The following PTPRN2 variants were observed in gnomAD, a reference collection of about 807,000 sequenced individuals.
PTPRN2 encodes protein tyrosine phosphatase receptor type N2.
PTPRN2 carries 74 observed loss-of-function variants against 118.8 expected under a neutral mutation model. The ratio of observed to expected loss-of-function variants is 0.62; its 90% CI spans 0.52 to 0.76. The LOEUF (loss-of-function observed/expected upper bound fraction) is 0.76. PTPRN2 is among the 30% of genes least tolerant of loss of function. The pLI is 0.00. For synonymous variants in PTPRN2, 641 were observed against 608.0 expected (o/e 1.05, Z -0.80); for missense variants, 1,481 against 1,394.4 (o/e 1.06, Z -0.99).
chr7:158,152,940 T>C (rs6950107), intron 6 of PTPRN2, among the ~76,000 whole-genome samples: 37,489 of 58,796 alleles, frequency 0.64, 11,759 homozygotes, highest in African/African-American at 0.77. Context: ...AAGAGCAGAC[T>C]GACAGACACC....
At chr7:157,748,379 G>T (rs1801165610) in intron 12 of PTPRN2, among the ~76,000 whole-genome samples, 1 of 150,310 alleles carries the variant, frequency 6.7e-6, no homozygotes, top group Non-Finnish European at 1.5e-5. Context: ...GAGCTGCCTG[G>T]GTGATTTTGA....
chr7:158,239,008 C>T (rs745355868), intron 3 of PTPRN2, among the ~76,000 whole-genome samples: 3 of 152,300 alleles, frequency 2.0e-5, no homozygotes, highest in Non-Finnish European at 4.4e-5. Flanking sequence ...CAGAGGCTCT[C>T]GTGAGGGCCG....
intron 11 of PTPRN2, among the ~76,000 whole-genome samples, chr7:158,049,409 T>G (rs1311428770): frequency 6.6e-6 from 1 of 152,212 alleles, no homozygotes; most frequent in Non-Finnish European, 1.5e-5. Flanking sequence ...TGCCCTGTCT[T>G]CCTTCCTTTC....
rs890513554 is a variant in PTPRN2, at chr7:158,133,610, C to T, written c.1556+67G>A. 4.9e-5 allele frequency: 73 copies of T among 1,500,504 alleles called. No homozygotes were observed. The African/African-American group carries it at 9.5e-4, about 19-fold the overall frequency. The allele number at this position is 1,500,504 out of a possible 1,614,324, so 92.9% of individuals were successfully genotyped here. A position where few individuals can be genotyped will look rare whatever the true frequency, so the allele number is the denominator to read the frequency against. On this transcript the variant is annotated intron_variant, in intron 9 of 22. Coordinates refer to ENST00000389418, the MANE Select transcript of PTPRN2 (RefSeq NM_002847.5). ...GCATCCGCCACAGCAAGGAGGCGCC[C>T]CACCTCCAGCCTGCTGGGACAAGCC...
intron 12 of PTPRN2, among the ~76,000 whole-genome samples, chr7:157,722,370 G>A (rs900800745): frequency 6.6e-6 from 1 of 152,234 alleles, no homozygotes; most frequent in Non-Finnish European, 1.5e-5. Context: ...GGGTCCTGAT[G>A]TCATGTCAGA....
chr7:157,759,125 T>A (rs2151003025), intron 12 of PTPRN2, among the ~76,000 whole-genome samples: 1 of 152,368 alleles, frequency 6.6e-6, no homozygotes, highest in South Asian at 2.1e-4. Context: ...CAGACCTGCC[T>A]GGGGTTCGAG....
chr7:158,342,893 A>C (rs1409472941), intron 2 of PTPRN2, among the ~76,000 whole-genome samples: 2 of 151,990 alleles, frequency 1.3e-5, no homozygotes, highest in Admixed American at 6.6e-5. Context: ...AGGAAATATT[A>C]AGTCCTTAGG....
chr7:157,744,173 G>A (rs1800789977), intron 12 of PTPRN2, among the ~76,000 whole-genome samples: 6 of 152,222 alleles, frequency 3.9e-5, no homozygotes, highest in Admixed American at 3.9e-4. Flanking sequence ...GACCATGGAG[G>A]AATCAGAGCG....
chr7:158,267,980 A>C (rs1286753358), intron 3 of PTPRN2, among the ~76,000 whole-genome samples: 3 of 152,128 alleles, frequency 2.0e-5, no homozygotes. Flanking sequence ...TTAAACGCAC[A>C]CTGGGTTATG....
At chr7:157,971,508 C>T (rs1802328569) in intron 11 of PTPRN2, among the ~76,000 whole-genome samples, 1 of 152,138 alleles carries the variant, frequency 6.6e-6, no homozygotes, top group Non-Finnish European at 1.5e-5. Context: ...CCTATGATAA[C>T]ATTAATCACA....
chr7:157,670,061 C>T (rs933375309), intron 13 of PTPRN2, among the ~76,000 whole-genome samples: 15 of 152,182 alleles, frequency 9.9e-5, no homozygotes, highest in Non-Finnish European at 2.9e-5. Flanking sequence ...CCGAGTGTCC[C>T]ACACCAAGGC....
At chr7:158,416,421 CA>C (rs1269792861) in intron 2 of PTPRN2, among the ~76,000 whole-genome samples, 1 of 152,186 alleles carries the variant, frequency 6.6e-6, no homozygotes, top group Non-Finnish European at 1.5e-5. Context: ...AGTGTGCTGC[CA>C]GGTGTAGGCA....
At position 157,831,972 on chromosome 7, in the gene PTPRN2, C is replaced by T. The variant is rs192354684; in HGVS notation, c.1788+66701G>A. 1.3e-5 allele frequency among the ~76,000 whole-genome samples: 2 copies of T among 152,352 alleles called. No homozygotes were observed. The highest frequency in any genetic ancestry group is 1.3e-4 in the Admixed American group (2 of 15,308). On this transcript the variant is annotated intron_variant, in intron 12 of 22. Transcript: ENST00000389418. The surrounding 1 kb of genome is among the most constrained non-coding windows in gnomAD (Gnocchi z 4.8). ...GTTTGTCTGGCAGTTGCTTCGTCTG[C>T]ATGAGGAGTGACGGCTGGGCTGCTG... is the stretch of plus-strand genomic sequence containing the variant.
intron 12 of PTPRN2, chr7:157,857,466 C>A (rs759937385): frequency 6.6e-6 from 1 of 152,294 alleles, no homozygotes; most frequent in Non-Finnish European, 1.5e-5. Context: ...GCAGGCTCGG[C>A]GCGTGATGGA....
chr7:158,494,188 G>A (rs552897853), intron 1 of PTPRN2, among the ~76,000 whole-genome samples: 5 of 152,350 alleles, frequency 3.3e-5, no homozygotes, highest in Admixed American at 2.6e-4. Flanking sequence ...CTCACTGGCT[G>A]GGAGGAAGCT....
chr7:157,897,954 C>G (rs1797227199), intron 12 of PTPRN2, among the ~76,000 whole-genome samples: 1 of 152,292 alleles, frequency 6.6e-6, no homozygotes. Context: ...CACGCCATTC[C>G]TCAGAGGAGG....
intron 3 of PTPRN2, among the ~76,000 whole-genome samples, chr7:158,247,276 G>A (rs1458672846): frequency 6.6e-6 from 1 of 152,230 alleles, no homozygotes; most frequent in African/African-American, 2.4e-5. Flanking sequence ...GAAGGGGGCA[G>A]GCGCCAGGAT....
rs1425229685 is a variant in PTPRN2, at chr7:157,587,017, TG to T, written c.2496+8220del. ...ATGGTGATGCCTGCAGTGGTCATCC[TG>T]GGCTGATCAAGGAAGCTGCCCAGAG... is the stretch of plus-strand genomic sequence containing the variant. On this transcript the variant is annotated intron_variant, in intron 17 of 22. Coordinates refer to ENST00000389418, the MANE Select transcript of PTPRN2 (RefSeq NM_002847.5). This position sits in a 1 kb window ranked among gnomAD's most constrained non-coding sequence, Gnocchi z 5.3. Among the ~76,000 whole-genome samples the T allele has an allele frequency of 6.6e-6, 1 of 152,232 alleles. No homozygotes were observed. The highest frequency in any genetic ancestry group is 1.9e-4 in the East Asian group (1 of 5,206).
At chr7:157,786,508 C>T (rs1804048793) in intron 12 of PTPRN2, among the ~76,000 whole-genome samples, 2 of 152,194 alleles carry the variant, frequency 1.3e-5, no homozygotes, top group African/African-American at 4.8e-5. Flanking sequence ...GGAAACTGGG[C>T]TTGTCCACAG....
Sources: gnomAD v4.1 joint callset for allele counts (sites outside exome capture counted in the v4.1 genomes callset) on GRCh38, gnomAD v4.1.1 for gene constraint, Gnocchi (gnomAD v3.1) non-coding constraint, MANE v1.5 for transcripts, NCBI Gene and HGNC (gene_info 2026-07-23, HGNC 2026-07-21) for gene names.